HOOK3: variants seen among roughly 807,000 people sequenced by gnomAD.
HOOK3 encodes hook microtubule tethering protein 3.
A neutral mutation model predicts 116.3 loss-of-function variants in HOOK3; 24 were observed. That is an observed-to-expected ratio of 0.21 (90% CI 0.15 to 0.29). The LOEUF (loss-of-function observed/expected upper bound fraction) is 0.29. HOOK3 is among the 10% of genes least tolerant of loss of function. HOOK3 has a pLI of 1.00. For synonymous variants in HOOK3, 275 were observed against 283.0 expected (o/e 0.97, Z 0.28); for missense variants, 632 against 830.2 (o/e 0.76, Z 2.93).
At chr8:42,982,105 A>G (rs557576748) in intron 13 of HOOK3, among the ~76,000 whole-genome samples, 3 of 150,458 alleles carry the variant, frequency 2.0e-5, no homozygotes, top group Non-Finnish European at 3.0e-5. Flanking sequence ...AATACAAAAA[A>G]TTAGCTGGGC....
chr8:42,939,856 C>A (rs1384673133), intron 4 of HOOK3, among the ~76,000 whole-genome samples: 1 of 148,014 alleles, frequency 6.8e-6, no homozygotes, highest in Non-Finnish European at 1.5e-5. Context: ...GGCGGCAGGG[C>A]AGAGGCGCTC....
intron 11 of HOOK3, among the ~76,000 whole-genome samples, chr8:42,970,780 G>GTTTTTTTTTTTTT (rs1299118892): frequency 5.2e-4 from 67 of 127,868 alleles, no homozygotes; most frequent in African/African-American, 2.3e-3. Context: ...AGGAATTTGG[G>GTTTTTTTTTTTTT]TCTTTTTTTT....
At chr8:42,898,630 T>C (rs1371879635) in intron 1 of HOOK3, among the ~76,000 whole-genome samples, 2 of 152,230 alleles carry the variant, frequency 1.3e-5, no homozygotes, top group Admixed American at 1.3e-4. Context: ...TGCTTCCCTT[T>C]ATGCTAGAAG....
At chr8:42,908,289 C>G (rs1341836633) in intron 2 of HOOK3, among the ~76,000 whole-genome samples, 1 of 152,100 alleles carries the variant, frequency 6.6e-6, no homozygotes, top group Non-Finnish European at 1.5e-5. Context: ...CTCCAATAAC[C>G]TTTTTCACAG....
chr8:42,986,843 G>T (rs763848041), intron 15 of HOOK3, 48 bp downstream of exon 15: 2 of 1,586,210 alleles, frequency 1.3e-6, no homozygotes, highest in South Asian at 1.1e-5. Context: ...TTCCCTATTT[G>T]CCTTGATTCT....
At chr8:42,923,285 C>T (rs1213932968) in intron 2 of HOOK3, among the ~76,000 whole-genome samples, 2 of 152,172 alleles carry the variant, frequency 1.3e-5, no homozygotes, top group Non-Finnish European at 2.9e-5. Flanking sequence ...AAGAGTTTGG[C>T]CTTGCCTCAC....
At chr8:43,002,212 G>T in intron 17 of HOOK3, 71 bp downstream of exon 17, 1 of 1,173,356 alleles carries the variant, frequency 8.5e-7, no homozygotes, top group Non-Finnish European at 1.3e-6. Context: ...GGTAGTTACG[G>T]TGTGTCTGGG....
intron 1 of HOOK3, among the ~76,000 whole-genome samples, chr8:42,898,665 G>A (rs1256348344): frequency 6.6e-6 from 1 of 152,208 alleles, no homozygotes; most frequent in Non-Finnish European, 1.5e-5. Flanking sequence ...CAAAGATGAA[G>A]CTAATTGAAT....
intron 5 of HOOK3, among the ~76,000 whole-genome samples, chr8:42,948,516 A>C (rs1808277910): frequency 6.6e-6 from 1 of 152,160 alleles, no homozygotes; most frequent in African/African-American, 2.4e-5. Context: ...CCCCTCTCAC[A>C]CCTACTAACC....
At position 43,027,331 on chromosome 8, in the gene HOOK3, A is replaced by G; in HGVS notation, c.*8833A>G. On this transcript the variant is annotated 3_prime_UTR_variant, in exon 22 of 22. Coordinates refer to ENST00000307602, the MANE Select transcript of HOOK3 (RefSeq NM_032410.4). ...CAAATCATAGTTCAAAAATACTGAA[A>G]TACTTGTTTATTATGTTACATAAAT... 3.5e-6 allele frequency: 1 copy of G among 288,296 alleles called. No individual in the cohort carries two copies. The highest frequency in any genetic ancestry group is 6.9e-6 in the Non-Finnish European group (1 of 144,248). 17.9% of individuals were successfully genotyped at this position (288,296 alleles called of 1,614,324 possible).
chr8:42,940,938 A>AT (rs1311165322), intron 4 of HOOK3, among the ~76,000 whole-genome samples: 3 of 151,748 alleles, frequency 2.0e-5, no homozygotes, highest in Admixed American at 2.0e-4. Flanking sequence ...TTATTTATTT[A>AT]TTTATTTACT....
chr8:42,946,518 A>ATT (rs35256929), intron 5 of HOOK3, among the ~76,000 whole-genome samples: 178 of 148,910 alleles, frequency 1.2e-3, no homozygotes, highest in African/African-American at 4.3e-3. Context: ...AAGACGATGA[A>ATT]TTTTTTTTTT....
chr8:42,976,043 T>TGC lies in HOOK3; in HGVS notation c.1321+1850_1321+1851insCG, dbSNP rs773968734. Reference sequence around the variant, plus strand: ...AGATGTGTGTGTGTATATATATATGTGTGTGTGTGTGTGTGTGTGTATATA... The same window carrying TGC: ...AGATGTGTGTGTGTATATATATATGTGCGTGTGTGTGTGTGTGTGTGTATATA... On this transcript the variant is annotated intron_variant, in intron 13 of 21. Coordinates refer to ENST00000307602, the MANE Select transcript of HOOK3 (RefSeq NM_032410.4). Among the ~76,000 whole-genome samples, 666 of 141,968 alleles carry TGC rather than the reference T, an allele frequency of 4.7e-3. 6 individuals carry two copies. The highest frequency in any genetic ancestry group is 0.035 in the Middle Eastern group (10 of 282). The allele number at this position is 141,968 out of a possible 152,430, so 93.1% of individuals were successfully genotyped here. A position where few individuals can be genotyped will look rare whatever the true frequency, so the allele number is the denominator to read the frequency against.
intron 11 of HOOK3, among the ~76,000 whole-genome samples, chr8:42,968,922 T>C (rs1054406754): frequency 1.3e-5 from 2 of 152,212 alleles, no homozygotes; most frequent in African/African-American, 4.8e-5. Flanking sequence ...TTATAGCACT[T>C]TGACATGTTC....
intron 1 of HOOK3, among the ~76,000 whole-genome samples, chr8:42,905,846 G>A (rs558741001): frequency 8.1e-4 from 122 of 151,446 alleles, no homozygotes; most frequent in Middle Eastern, 3.5e-3. Context: ...AGCACTTCAG[G>A]AGGCCGAGGC....
chr8:42,975,216 C>T (rs577558514), intron 13 of HOOK3, among the ~76,000 whole-genome samples: 1 of 152,320 alleles, frequency 6.6e-6, no homozygotes, highest in Non-Finnish European at 1.5e-5. Flanking sequence ...CGGGCTGGGA[C>T]ACCTGCCTGA....
chr8:42,902,409 C>T (rs1244340112), intron 1 of HOOK3, among the ~76,000 whole-genome samples: 2 of 151,136 alleles, frequency 1.3e-5, no homozygotes, highest in Admixed American at 6.6e-5. Flanking sequence ...ATAGCTGGGA[C>T]TACAGGCGTG....
At chr8:42,974,882 G>T (rs1013813431) in intron 13 of HOOK3, among the ~76,000 whole-genome samples, 4 of 152,142 alleles carry the variant, frequency 2.6e-5, no homozygotes, top group Admixed American at 6.5e-5. Context: ...CTAAGCCGTG[G>T]GTAAAACAAG....
At chr8:42,904,199 T>C (rs958610039) in intron 1 of HOOK3, among the ~76,000 whole-genome samples, 2 of 152,142 alleles carry the variant, frequency 1.3e-5, no homozygotes, top group Non-Finnish European at 2.9e-5. Flanking sequence ...GTATTCTCAT[T>C]GTCTGTACTG....
Sources: allele counts gnomAD v4.1 joint callset (sites outside exome capture counted in the v4.1 genomes callset), GRCh38; gene constraint gnomAD v4.1.1; transcripts MANE v1.5; gene names NCBI Gene and HGNC (gene_info 2026-07-23, HGNC 2026-07-21).